GPD2: variants seen among roughly 807,000 people sequenced by gnomAD.
GPD2 encodes glycerol-3-phosphate dehydrogenase, mitochondrial.
Under a neutral mutation model 82.4 loss-of-function variants are expected in GPD2, and 54 were observed. The observed-to-expected ratio is 0.66, with a 90% CI of 0.53 to 0.82. The LOEUF (loss-of-function observed/expected upper bound fraction) is 0.82. Among genes scored for constraint, GPD2 ranks in the 40% least tolerant of loss-of-function variants. The pLI, the probability that GPD2 is intolerant of heterozygous loss-of-function variation, is 0.00. For missense variants in GPD2, 748 were observed against 896.2 expected (o/e 0.83, Z 2.11); for synonymous variants, 288 against 306.1 (o/e 0.94, Z 0.62).
At chr2:156,476,367 C>T (rs1683511888) in intron 2 of GPD2, among the ~76,000 whole-genome samples, 160 bp downstream of exon 2, 1 of 152,204 alleles carries the variant, frequency 6.6e-6, no homozygotes, top group South Asian at 2.1e-4. Flanking sequence ...CTTAATGATC[C>T]TGGAGAACTG....
chr2:156,575,907 C>G (rs1687804416), intron 13 of GPD2, among the ~76,000 whole-genome samples: 1 of 152,078 alleles, frequency 6.6e-6, no homozygotes, highest in Admixed American at 6.5e-5. Flanking sequence ...TACCTTGATT[C>G]AAATGGTTAA....
intron 1 of GPD2, among the ~76,000 whole-genome samples, chr2:156,466,777 T>G (rs1448104798): frequency 2.0e-5 from 3 of 152,226 alleles, no homozygotes; most frequent in Non-Finnish European, 4.4e-5. Context: ...AAACAGAGAC[T>G]TTTAACTGGC....
rs116081586 is a variant in GPD2 at position 156,547,236 on chromosome 2, A to G, written c.662-2372A>G. 7.9e-3 allele frequency among the ~76,000 whole-genome samples: 1,208 copies of G among 152,316 alleles called. 5 individuals carry two copies. Among genetic ancestry groups the G allele is most frequent in the Non-Finnish European group, 0.014 (945 of 68,020 alleles). ...GACTATTTAAAAAGGTGTATACAAGATAAAATGTTGACCCAGAGGAAGCAG... is the reference window on the plus strand; with the variant it reads ...GACTATTTAAAAAGGTGTATACAAGGTAAAATGTTGACCCAGAGGAAGCAG... On this transcript the variant is annotated intron_variant, in intron 6 of 16. Coordinates refer to ENST00000438166, the MANE Select transcript of GPD2 (RefSeq NM_000408.5).
chr2:156,459,006 A>AATATAT (rs56055627), intron 1 of GPD2, among the ~76,000 whole-genome samples: 1 of 150,002 alleles, frequency 6.7e-6, no homozygotes, highest in Non-Finnish European at 1.5e-5. Context: ...TTAAAATAGA[A>AATATAT]ATATATATAT....
chr2:156,556,568 G>A (rs1322009553), intron 8 of GPD2, among the ~76,000 whole-genome samples: 3 of 152,156 alleles, frequency 2.0e-5, no homozygotes, highest in Admixed American at 6.5e-5. Context: ...GTAAATATCA[G>A]TAAATATTTT....
At chr2:156,481,224 C>G (rs519659) in intron 2 of GPD2, among the ~76,000 whole-genome samples, 1 of 151,938 alleles carries the variant, frequency 6.6e-6, no homozygotes, top group South Asian at 2.1e-4. Flanking sequence ...AATGATATTT[C>G]TGTGCATGTA....
chr2:156,466,991 T>C (rs1056943824), intron 1 of GPD2, among the ~76,000 whole-genome samples: 5 of 152,200 alleles, frequency 3.3e-5, no homozygotes, highest in Non-Finnish European at 5.9e-5. Flanking sequence ...TAAAATGATA[T>C]AATTGACATA....
At chr2:156,479,251 A>G (rs1012029530) in intron 2 of GPD2, among the ~76,000 whole-genome samples, 6 of 152,240 alleles carry the variant, frequency 3.9e-5, no homozygotes, top group Non-Finnish European at 8.8e-5. Flanking sequence ...AGACAGATTG[A>G]AATTGAATAA....
At chr2:156,413,899 T>A in the GPD2 span, among the ~76,000 whole-genome samples, 2 of 152,246 alleles carry the variant, frequency 1.3e-5, no homozygotes, top group East Asian at 3.8e-4. Context: ...AGCAAAACTC[T>A]GTCTCAAATA....
intron 6 of GPD2, among the ~76,000 whole-genome samples, chr2:156,532,138 T>C (rs542355): frequency 0.7 from 106,570 of 151,936 alleles, 37,545 homozygotes; most frequent in Middle Eastern, 0.82. Flanking sequence ...GCTAAGACTA[T>C]CGTTGTGCAC....
intron 13 of GPD2, 136 bp downstream of exon 13, chr2:156,571,428 T>G: frequency 2.0e-6 from 1 of 504,926 alleles, no homozygotes; most frequent in Non-Finnish European, 3.5e-6. Flanking sequence ...TGTTTAATAT[T>G]GTTAGGCCTT....
chr2:156,410,445 C>A, the GPD2 span, among the ~76,000 whole-genome samples: 1 of 152,184 alleles, frequency 6.6e-6, no homozygotes, highest in Non-Finnish European at 1.5e-5. Flanking sequence ...CTATAAATAT[C>A]ATTGCAAAAT....
chr2:156,554,799 A>G lies in GPD2; in HGVS notation c.972-2590A>G, dbSNP rs182613812. On this transcript the variant is annotated intron_variant, in intron 8 of 16. Coordinates refer to ENST00000438166, the MANE Select transcript of GPD2 (RefSeq NM_000408.5). Reference sequence around the variant, plus strand: ...CTGACAAGAGGTCAATTTTTTTCCTATAATGTGTGTACATACTGTTAGCTC... The same window carrying G: ...CTGACAAGAGGTCAATTTTTTTCCTGTAATGTGTGTACATACTGTTAGCTC... Among the ~76,000 whole-genome samples, 209 of 152,326 alleles carry G rather than the reference A, an allele frequency of 1.4e-3. 3 individuals carry two copies. Among genetic ancestry groups the G allele is most frequent in the African/African-American group, 4.3e-3 (179 of 41,584 alleles).
chr2:156,580,079 A>C (rs998104165), intron 16 of GPD2, among the ~76,000 whole-genome samples: 3 of 152,198 alleles, frequency 2.0e-5, no homozygotes, highest in Admixed American at 6.5e-5. Flanking sequence ...CATGCTTTTT[A>C]AAGACGTATG....
chr2:156,403,534 T>C, the GPD2 span, among the ~76,000 whole-genome samples: 1 of 152,054 alleles, frequency 6.6e-6, no homozygotes, highest in African/African-American at 2.4e-5. Flanking sequence ...GACTTTTGGT[T>C]AGGTAAATTA....
chr2:156,577,124 AG>A (rs1393982002), intron 13 of GPD2, among the ~76,000 whole-genome samples: 2 of 152,220 alleles, frequency 1.3e-5, no homozygotes, highest in East Asian at 1.9e-4. Context: ...AAGAACATGA[AG>A]GAAGAATGTT....
the GPD2 span, among the ~76,000 whole-genome samples, chr2:156,424,829 G>A: frequency 1.3e-5 from 2 of 152,144 alleles, no homozygotes; most frequent in East Asian, 3.8e-4. Flanking sequence ...CAAAAGCTTT[G>A]TAGAAGTTAC....
intron 1 of GPD2, among the ~76,000 whole-genome samples, chr2:156,462,295 T>A (rs1451151190): frequency 6.6e-6 from 1 of 152,100 alleles, no homozygotes; most frequent in African/African-American, 2.4e-5. Context: ...TTTTCTTTTT[T>A]CTTTTTTGAG....
chr2:156,429,407 G>T, the GPD2 span, among the ~76,000 whole-genome samples: 1 of 152,194 alleles, frequency 6.6e-6, no homozygotes, highest in African/African-American at 2.4e-5. Flanking sequence ...TTATTAAATA[G>T]GTGGCTATGT....
Sources: allele counts gnomAD v4.1 joint callset (sites outside exome capture counted in the v4.1 genomes callset), GRCh38; gene constraint gnomAD v4.1.1; transcripts MANE v1.5; gene names NCBI Gene and HGNC (gene_info 2026-07-23, HGNC 2026-07-21).